Variants in STAU1 observed in about 807,000 individuals in gnomAD.
STAU1 encodes double-stranded RNA-binding protein Staufen homolog 1.
Under a neutral mutation model 62.9 loss-of-function variants are expected in STAU1, and 13 were observed. The ratio of observed to expected loss-of-function variants is 0.21; its 90% confidence interval spans 0.13 to 0.33. The LOEUF (loss-of-function observed/expected upper bound fraction) is 0.33. STAU1 is among the 10% of genes least tolerant of loss of function. The pLI, the probability that STAU1 is intolerant of heterozygous loss-of-function variation, is 1.00. For missense variants in STAU1, 571 were observed against 712.1 expected (o/e 0.80, Z 2.25); for synonymous variants, 269 against 265.1 (o/e 1.01, Z -0.14).
At chr20:49,177,167 C>A (rs761495960) in intron 1 of STAU1, among the ~76,000 whole-genome samples, 6 of 151,768 alleles carry the variant, frequency 4.0e-5, no homozygotes, top group Non-Finnish European at 4.4e-5. Context: ...ACCTCGGCCT[C>A]CCAAAGTGCT....
chr20:49,148,563 C>T (rs948082016), intron 5 of STAU1, among the ~76,000 whole-genome samples: 1 of 152,238 alleles, frequency 6.6e-6, no homozygotes, highest in Non-Finnish European at 1.5e-5. Context: ...CTGGCTAAGG[C>T]CAGTCTTTAA....
chr20:49,153,739 A>AAAAG (rs752610587), intron 4 of STAU1, among the ~76,000 whole-genome samples, 194 bp downstream of exon 4: 118 of 145,428 alleles, frequency 8.1e-4, no homozygotes, highest in Non-Finnish European at 1.4e-3. Flanking sequence ...AAAAAAAAAA[A>AAAAG]AAAGAAAGAA....
At chr20:49,183,708 TCCATGAGTCATGG>T (rs1336015101) in intron 1 of STAU1, among the ~76,000 whole-genome samples, 2 of 152,106 alleles carry the variant, frequency 1.3e-5, no homozygotes, top group East Asian at 3.9e-4. Context: ...GGAGGAGAGT[TCCATGAGTCATGG>T]CCATTTCTAA....
At chr20:49,209,768 G>GC in the STAU1 span, among the ~76,000 whole-genome samples, 1 of 151,596 alleles carries the variant, frequency 6.6e-6, no homozygotes, top group African/African-American at 2.4e-5. Context: ...ATGATAATTG[G>GC]CCAGGTGTGG....
chr20:49,190,080 T>C (rs2093828662), upstream of STAU1, among the ~76,000 whole-genome samples: 1 of 152,144 alleles, frequency 6.6e-6, no homozygotes, highest in Non-Finnish European at 1.5e-5. Context: ...CTGCTAAAAG[T>C]GATCTTTTCT....
upstream of STAU1, among the ~76,000 whole-genome samples, chr20:49,188,649 C>CT (rs1466309373): frequency 6.6e-6 from 1 of 152,240 alleles, no homozygotes; most frequent in Non-Finnish European, 1.5e-5. Flanking sequence ...AGCCTACCTT[C>CT]TTTCCTCCTC....
At chr20:49,203,817 GCTGGGATT>G in the STAU1 span, among the ~76,000 whole-genome samples, 2 of 152,178 alleles carry the variant, frequency 1.3e-5, no homozygotes, top group Non-Finnish European at 2.9e-5. Context: ...TTCCTGAGTA[GCTGGGATT>G]ACAGGCGTGC....
chr20:49,182,969 A>G (rs945361278), intron 1 of STAU1, among the ~76,000 whole-genome samples: 1 of 152,218 alleles, frequency 6.6e-6, no homozygotes. Context: ...GAAATTTTTC[A>G]TAATAAAATG....
At chr20:49,160,949 C>T (rs979739754) in intron 3 of STAU1, among the ~76,000 whole-genome samples, 6 of 152,114 alleles carry the variant, frequency 3.9e-5, no homozygotes, top group Admixed American at 6.6e-5. Context: ...GGAAAACTTA[C>T]GGGCAATCAA....
At chr20:49,185,178 C>T (rs530577798) in intron 1 of STAU1, among the ~76,000 whole-genome samples, 1 of 152,312 alleles carries the variant, frequency 6.6e-6, no homozygotes, top group Non-Finnish European at 1.5e-5. Flanking sequence ...CCTAAGGTAA[C>T]AGCAGTATCT....
At chr20:49,190,192 G>A (rs974388184), upstream of STAU1, among the ~76,000 whole-genome samples, 9 of 152,204 alleles carry the variant, frequency 5.9e-5, no homozygotes, top group East Asian at 1.9e-4. Context: ...AGACAATCTC[G>A]TCAAAGGTGA....
intron 2 of STAU1, among the ~76,000 whole-genome samples, chr20:49,166,715 C>A (rs1398573567): frequency 6.6e-6 from 1 of 152,160 alleles, no homozygotes; most frequent in African/African-American, 2.4e-5. Context: ...ATACCAGGAA[C>A]AGGTGAATGT....
At chr20:49,131,292 A>G (rs1480079434) in intron 6 of STAU1, among the ~76,000 whole-genome samples, 1 of 152,250 alleles carries the variant, frequency 6.6e-6, no homozygotes, top group Non-Finnish European at 1.5e-5. Context: ...ATCAGACACT[A>G]GAGCGGAAGA....
intron 2 of STAU1, among the ~76,000 whole-genome samples, chr20:49,168,872 T>C (rs148810991): frequency 3.9e-5 from 6 of 152,036 alleles, no homozygotes; most frequent in Non-Finnish European, 8.8e-5. Context: ...ACAATCTTAC[T>C]AATGTAACAA....
At chr20:49,168,776 T>A (rs1385833362) in intron 2 of STAU1, among the ~76,000 whole-genome samples, 1 of 152,118 alleles carries the variant, frequency 6.6e-6, no homozygotes, top group Non-Finnish European at 1.5e-5. Context: ...TCACAACCAG[T>A]GTGCAGAATG....
At chr20:49,136,620 A>T (rs1568855522) in intron 5 of STAU1, among the ~76,000 whole-genome samples, 2 of 152,198 alleles carry the variant, frequency 1.3e-5, no homozygotes. Context: ...ATACAGACAG[A>T]TATATGTGGG....
chr20:49,139,687 C>G (rs2092965244), intron 5 of STAU1, among the ~76,000 whole-genome samples: 1 of 151,290 alleles, frequency 6.6e-6, no homozygotes, highest in South Asian at 2.1e-4. Context: ...GATTATGCCA[C>G]TGCACTCCAG....
intron 3 of STAU1, chr20:49,159,130 T>C (rs1600786119): frequency 3.7e-6 from 4 of 1,088,858 alleles, no homozygotes; most frequent in Non-Finnish European, 4.5e-6. Context: ...CATGGATAAA[T>C]GCTGAAGGGG....
At chr20:49,168,964 T>C (rs1178886633) in intron 2 of STAU1, among the ~76,000 whole-genome samples, 1 of 152,032 alleles carries the variant, frequency 6.6e-6, no homozygotes, top group Non-Finnish European at 1.5e-5. Context: ...ATTTTTTTTT[T>C]TTTTTTGAGA....
Sources: allele counts gnomAD v4.1 joint callset (sites outside exome capture counted in the v4.1 genomes callset), GRCh38; gene constraint gnomAD v4.1.1; transcripts MANE v1.5; gene names NCBI Gene and HGNC (gene_info 2026-07-23, HGNC 2026-07-21).